GFRAL: variants seen among roughly 807,000 people sequenced by gnomAD.
The protein encoded by GFRAL is GDNF family receptor alpha-like.
In GFRAL, 36 loss-of-function variants were observed where a neutral mutation model predicts 45.4. That is an observed-to-expected ratio of 0.79 (90% CI 0.61 to 1.05). The LOEUF is 1.05. Among genes scored for constraint, GFRAL ranks in the 50% least tolerant of loss-of-function variants. The pLI, the probability that GFRAL is intolerant of heterozygous loss-of-function variation, is 0.00. For synonymous variants in GFRAL, 166 were observed against 154.1 expected (o/e 1.08, Z -0.57); for missense variants, 507 against 467.5 (o/e 1.08, Z -0.78).
chr6:55,372,271 A>G (rs1236980525), intron 6 of GFRAL, among the ~76,000 whole-genome samples: 1 of 152,136 alleles, frequency 6.6e-6, no homozygotes, highest in African/African-American at 2.4e-5. Context: ...GTACTGCTAT[A>G]ATCTTCCCCA....
At chr6:55,366,488 G>A (rs60658368) in intron 6 of GFRAL, among the ~76,000 whole-genome samples, 2 of 145,070 alleles carry the variant, frequency 1.4e-5, no homozygotes, top group African/African-American at 5.3e-5. Flanking sequence ...GCTAGCTTTT[G>A]AATGTGTTTG....
chr6:55,329,783 T>C (rs1767807522), intron 1 of GFRAL, among the ~76,000 whole-genome samples: 1 of 151,992 alleles, frequency 6.6e-6, no homozygotes, highest in African/African-American at 2.4e-5. Context: ...CAGCAAGTAG[T>C]ACACATGGTC....
intron 6 of GFRAL, among the ~76,000 whole-genome samples, chr6:55,390,799 A>G (rs1768739286): frequency 6.6e-6 from 1 of 151,906 alleles, no homozygotes; most frequent in South Asian, 2.1e-4. Flanking sequence ...GAGGCAGGAG[A>G]ATCACTTGAA....
intron 5 of GFRAL, among the ~76,000 whole-genome samples, chr6:55,356,758 T>C (rs1768200626): frequency 6.6e-6 from 1 of 151,830 alleles, no homozygotes; most frequent in African/African-American, 2.4e-5. Flanking sequence ...GCTCTTGCTT[T>C]TCTAGTTCTT....
chr6:55,360,618 C>T (rs1206819752), intron 6 of GFRAL, among the ~76,000 whole-genome samples: 1 of 151,906 alleles, frequency 6.6e-6, no homozygotes, highest in African/African-American at 2.4e-5. Flanking sequence ...ATAATTAACA[C>T]TACAGATATA....
chr6:55,375,489 G>C (rs576391827), intron 6 of GFRAL, among the ~76,000 whole-genome samples: 1 of 152,136 alleles, frequency 6.6e-6, no homozygotes, highest in Non-Finnish European at 1.5e-5. Context: ...CTGAGACTTT[G>C]CTGAAGTTGC....
chr6:55,386,462 C>T (rs977248069), intron 6 of GFRAL, among the ~76,000 whole-genome samples: 8 of 152,022 alleles, frequency 5.3e-5, no homozygotes, highest in South Asian at 2.1e-4. Context: ...TAAGTGAATG[C>T]GTGTCTGTTG....
chr6:55,371,706 T>A (rs532917250), intron 6 of GFRAL, among the ~76,000 whole-genome samples: 1 of 152,378 alleles, frequency 6.6e-6, no homozygotes, highest in East Asian at 1.9e-4. Flanking sequence ...AGATCTCATC[T>A]GAAATTTGTT....
rs573153938 is a variant in GFRAL, at chr6:55,351,540, T to C, written c.658T>C (p.Cys220Arg). Residue 220 changes from cysteine (C) to arginine (R), a missense_variant, in exon 5 of 9, where the codon TGC becomes CGC. Cys to Arg is a radical substitution (Grantham distance 180, BLOSUM62 -3). Coordinates refer to ENST00000340465, the MANE Select transcript of GFRAL (RefSeq NM_207410.2). ...AGTGAACATGGTTCCACCCCCTACT[T>C]GCCTCAGTGTAATTCGCAGCTGCCA... ...CAVNMVPPPTCLSVIRSCQND... is the reference protein window; with the variant it reads ...CAVNMVPPPTRLSVIRSCQND... The C allele has an allele frequency of 2.2e-5, 36 of 1,605,148 alleles. 1 individual carries two copies. In the South Asian group the frequency reaches 4.0e-4, roughly 18 times the overall value.
At chr6:55,384,863 C>CAGCA (rs1554136248) in intron 6 of GFRAL, among the ~76,000 whole-genome samples, 5 of 140,506 alleles carry the variant, frequency 3.6e-5, no homozygotes, top group Non-Finnish European at 7.7e-5. Flanking sequence ...CAAAAAGCAG[C>CAGCA]AAAAAAAAAA....
At chr6:55,339,671 T>C (rs1767937090) in intron 3 of GFRAL, among the ~76,000 whole-genome samples, 1 of 152,134 alleles carries the variant, frequency 6.6e-6, no homozygotes, top group African/African-American at 2.4e-5. Flanking sequence ...TCAAAAAAGA[T>C]AGGGACTGAT....
intron 6 of GFRAL, among the ~76,000 whole-genome samples, chr6:55,398,673 A>G (rs954035519): frequency 5.3e-5 from 8 of 152,208 alleles, no homozygotes; most frequent in African/African-American, 1.9e-4. Flanking sequence ...CAAGAAGACT[A>G]GCACCTCAGA....
chr6:55,393,976 C>A (rs1223935096), intron 6 of GFRAL, among the ~76,000 whole-genome samples: 3 of 152,142 alleles, frequency 2.0e-5, no homozygotes, highest in Non-Finnish European at 4.4e-5. Flanking sequence ...ATATGATGAT[C>A]ACTTTAGCTA....
intron 6 of GFRAL, among the ~76,000 whole-genome samples, chr6:55,359,652 C>T (rs569549129): frequency 6.6e-6 from 1 of 152,060 alleles, no homozygotes; most frequent in East Asian, 1.9e-4. Flanking sequence ...GTGGTATTAG[C>T]AGACACCATT....
At chr6:55,361,521 TA>T (rs1452002908) in intron 6 of GFRAL, among the ~76,000 whole-genome samples, 7 of 152,018 alleles carry the variant, frequency 4.6e-5, no homozygotes, top group Non-Finnish European at 1.0e-4. Flanking sequence ...GCTGTTTTTT[TA>T]AAATTATTTT....
intron 3 of GFRAL, among the ~76,000 whole-genome samples, chr6:55,337,270 T>A (rs75601718): frequency 0.038 from 5,752 of 152,216 alleles, 141 homozygotes; most frequent in African/African-American, 0.062. Flanking sequence ...AAGGCTAAAT[T>A]CTGTTCAATC....
rs774121974 is a variant in GFRAL, at chr6:55,351,524, G to C, written c.642G>C (p.Met214Ile). The change falls in exon 5 of 9, where the codon ATG becomes ATC. Residue 214 changes from methionine (M) to isoleucine (I), a missense_variant. Transcript: ENST00000340465. ...ALHSKTCAVNMVPPPTCLSVI... is the reference protein window; with the variant it reads ...ALHSKTCAVNIVPPPTCLSVI... ...ACAGCAAGACATGTGCAGTGAACATGGTTCCACCCCCTACTTGCCTCAGTG... is the reference window on the plus strand; with the variant it reads ...ACAGCAAGACATGTGCAGTGAACATCGTTCCACCCCCTACTTGCCTCAGTG... 1.2e-6 allele frequency: 2 copies of C among 1,610,752 alleles called. No homozygotes were observed. The highest frequency in any genetic ancestry group is 4.5e-5 in the East Asian group (2 of 44,754).
chr6:55,370,364 GT>G, intron 6 of GFRAL, among the ~76,000 whole-genome samples: 1 of 151,434 alleles, frequency 6.6e-6, no homozygotes, highest in African/African-American at 2.4e-5. Flanking sequence ...AGTTTTTCAT[GT>G]TTTGAGCATT....
At chr6:55,345,812 A>C (rs1391236084) in intron 3 of GFRAL, among the ~76,000 whole-genome samples, 1 of 152,220 alleles carries the variant, frequency 6.6e-6, no homozygotes, top group South Asian at 2.1e-4. Flanking sequence ...AAGGGGTACT[A>C]CCCAGAATCT....
Sources: gnomAD v4.1 joint callset for allele counts (sites outside exome capture counted in the v4.1 genomes callset) on GRCh38, gnomAD v4.1.1 for gene constraint, MANE v1.5 for transcripts, NCBI Gene and HGNC (gene_info 2026-07-23, HGNC 2026-07-21) for gene names.